CELF2: variants seen among roughly 807,000 people sequenced by gnomAD.
The protein encoded by CELF2 is CUG triplet repeat RNA-binding protein 2.
In CELF2, 8 loss-of-function variants were observed where a neutral mutation model predicts 62.6. The observed-to-expected ratio is 0.13, with a 90% CI of 0.07 to 0.23. CELF2 has a LOEUF of 0.23. Among genes scored for constraint, CELF2 ranks in the 10% least tolerant of loss-of-function variants. The pLI, the probability that CELF2 is intolerant of heterozygous loss-of-function variation, is 1.00. For synonymous variants in CELF2, 258 were observed against 250.0 expected (o/e 1.03, Z -0.30); for missense variants, 333 against 671.0 (o/e 0.50, Z 5.56).
chr10:10,931,239 C>T lies in CELF2; in HGVS notation c.89+11240C>T, dbSNP rs923716992. On this transcript the variant is annotated intron_variant, in intron 2 of 13. Coordinates refer to the CELF2 transcript ENST00000636488. This position sits in a 1 kb window ranked among gnomAD's most constrained non-coding sequence, Gnocchi z 6.1. The stretch of plus-strand genomic sequence containing the variant: ...ATATTGTGTTCATTTTTCAAATAAG[C>T]AACATTAGACTCACAAAACACTATA... Among the ~76,000 whole-genome samples, 2 of 152,094 alleles carry T rather than the reference C, an allele frequency of 1.3e-5. No homozygotes were observed. Among genetic ancestry groups the T allele is most frequent in the African/African-American group, 4.8e-5 (2 of 41,408 alleles).
the CELF2 span, among the ~76,000 whole-genome samples, chr10:10,554,643 T>C: frequency 3.9e-5 from 6 of 152,170 alleles, no homozygotes; most frequent in Non-Finnish European, 8.8e-5. Context: ...CCCAGGTGCA[T>C]TACTTCTCCC....
Position 11,057,732 on chromosome 10 carries a change from C to G in CELF2, c.74+39569C>G, listed in dbSNP as rs564236614. On this transcript the variant is annotated intron_variant, in intron 1 of 12. Transcript: ENST00000633077. ...GATGGTGATTGTCAGATTATGACTT[C>G]GGGAATACAGGAGTCACAAAATGTT... Among the ~76,000 whole-genome samples the G allele has an allele frequency of 2.6e-5, 4 of 152,112 alleles. No homozygotes were observed. In the South Asian group the frequency reaches 6.2e-4, roughly 24 times the overall value.
chr10:10,789,347 C>G, the CELF2 span, among the ~76,000 whole-genome samples: 1 of 152,220 alleles, frequency 6.6e-6, no homozygotes, highest in South Asian at 2.1e-4. Flanking sequence ...TTCATAATAT[C>G]CAGTTTTATA....
intron 1 of CELF2, among the ~76,000 whole-genome samples, chr10:11,115,142 G>A (rs775426409): frequency 4.6e-5 from 7 of 152,216 alleles, no homozygotes; most frequent in African/African-American, 7.2e-5. Flanking sequence ...CAGTAGGCAC[G>A]TGAATATCTG....
Position 11,170,151 on chromosome 10 carries a change from T to C in CELF2, c.271+4469T>C, listed in dbSNP as rs116416432. On this transcript the variant is annotated intron_variant, in intron 2 of 12. Transcript: ENST00000633077. ...TGCAGTTTGTTTGTTCAGCAAATGATAAGTTGTACAGCAAAGGAGATTGTC... is the reference window on the plus strand; with the variant it reads ...TGCAGTTTGTTTGTTCAGCAAATGACAAGTTGTACAGCAAAGGAGATTGTC... 7.3e-3 allele frequency among the ~76,000 whole-genome samples: 1,115 copies of C among 152,274 alleles called. 14 individuals carry two copies. The highest frequency in any genetic ancestry group is 0.025 in the African/African-American group (1,055 of 41,542).
chr10:10,684,584 A>G, the CELF2 span, among the ~76,000 whole-genome samples: 6 of 152,068 alleles, frequency 3.9e-5, no homozygotes, highest in African/African-American at 9.7e-5. Flanking sequence ...TCTCTACAAA[A>G]CATAAACAAA....
At chr10:11,249,391 TTGA>T (rs1325379931) in intron 4 of CELF2, among the ~76,000 whole-genome samples, 190 bp downstream of exon 4, 1 of 152,210 alleles carries the variant, frequency 6.6e-6, no homozygotes, top group Non-Finnish European at 1.5e-5. Context: ...TCCTGTCCTG[TTGA>T]TGATCTCTGG....
rs2066114354 is a variant in CELF2, at chr10:10,931,981, T to C, written c.89+11982T>C. Among the ~76,000 whole-genome samples, 1 of 152,088 alleles carries C rather than the reference T, an allele frequency of 6.6e-6. No individual in the cohort carries two copies. Among genetic ancestry groups the C allele is most frequent in the African/African-American group, 2.4e-5 (1 of 41,396 alleles). ...CACATCTCATGAGTCTTATTCACTA[T>C]CATGAGAACAGCATGGGAAAGACCT... On this transcript the variant is annotated intron_variant, in intron 2 of 13. Transcript: ENST00000636488. This position sits in a 1 kb window ranked among gnomAD's most constrained non-coding sequence, Gnocchi z 6.1.
intron 1 of CELF2, among the ~76,000 whole-genome samples, chr10:11,121,157 A>C (rs1017793809): frequency 6.6e-6 from 1 of 152,180 alleles, no homozygotes; most frequent in African/African-American, 2.4e-5. Context: ...CAAATTCAGA[A>C]ATAATAAAAT....
In CELF2 at chr10:11,165,098, T is replaced by A. The variant is rs2066664528; in HGVS notation, c.75-388T>A. ...AATCCAGCAGACATCTAGCTCTGCC[T>A]TTCTTTCCCAGCCACAGCCAGGGTA... On this transcript the variant is annotated intron_variant, in intron 1 of 12. Transcript: ENST00000633077. This position sits in a 1 kb window ranked among gnomAD's most constrained non-coding sequence, Gnocchi z 7.4. The A allele has an allele frequency of 2.0e-6, 2 of 1,000,270 alleles. No individual in the cohort carries two copies. The highest frequency in any genetic ancestry group is 2.4e-6 in the Non-Finnish European group (2 of 838,892). The allele number at this position is 1,000,270 out of a possible 1,614,324, so 62.0% of individuals were successfully genotyped here.
intron 1 of CELF2, among the ~76,000 whole-genome samples, chr10:11,059,131 A>C (rs2066096068): frequency 6.6e-6 from 1 of 152,212 alleles, no homozygotes; most frequent in Non-Finnish European, 1.5e-5. Flanking sequence ...ACAAACTGCT[A>C]CTTCAGCGCC....
At chr10:11,017,528 G>A (rs1296121520), upstream of CELF2, among the ~76,000 whole-genome samples, 2 of 152,204 alleles carry the variant, frequency 1.3e-5, no homozygotes, top group Non-Finnish European at 2.9e-5. This position sits in a 1 kb window ranked among gnomAD's most constrained non-coding sequence, Gnocchi z 5.5. Context: ...ACACCGAGGA[G>A]CATCGAAGCG....
the CELF2 span, among the ~76,000 whole-genome samples, chr10:10,721,531 C>T: frequency 6.6e-6 from 1 of 152,232 alleles, no homozygotes; most frequent in African/African-American, 2.4e-5. Flanking sequence ...TTCCTCTCCT[C>T]ATCAACACCT....
the CELF2 span, among the ~76,000 whole-genome samples, chr10:10,716,438 G>T: frequency 4.6e-5 from 7 of 152,170 alleles, no homozygotes; most frequent in East Asian, 1.4e-3. Context: ...CTACTGGGGA[G>T]GCTGAGGTGG....
chr10:10,582,654 G>A, the CELF2 span, among the ~76,000 whole-genome samples: 1 of 152,044 alleles, frequency 6.6e-6, no homozygotes, highest in African/African-American at 2.4e-5. Flanking sequence ...AATAAGCATT[G>A]TTGAGTACTC....
rs757471073 is a variant in CELF2, at chr10:11,255,274, T to C, written c.404-2464T>C. Among the ~76,000 whole-genome samples the C allele has an allele frequency of 8.5e-5, 13 of 152,176 alleles. No homozygotes were observed. The highest frequency in any genetic ancestry group is 1.9e-4 in the Non-Finnish European group (13 of 68,018). The stretch of plus-strand genomic sequence containing the variant: ...CAGGAATTGGAGCCCGGGGTGCCTG[T>C]TGCCCATGTCTCCTCCGAGTCTGAA... On this transcript the variant is annotated intron_variant, in intron 4 of 12. Coordinates refer to ENST00000633077, the MANE Select transcript of CELF2 (RefSeq NM_001326342.2). This position sits in a 1 kb window ranked among gnomAD's most constrained non-coding sequence, Gnocchi z 5.5.
intron 1 of CELF2, among the ~76,000 whole-genome samples, chr10:11,009,834 G>A (rs537939975): frequency 1.3e-5 from 2 of 152,332 alleles, no homozygotes; most frequent in Non-Finnish European, 1.5e-5. Flanking sequence ...AGAGCTTGAG[G>A]TTTCAAGTTA....
intron 1 of CELF2, among the ~76,000 whole-genome samples, chr10:10,839,739 A>C (rs548211356): frequency 6.6e-6 from 1 of 152,300 alleles, no homozygotes; most frequent in Non-Finnish European, 1.5e-5. Context: ...AAATTTGCAC[A>C]AATTAAGTTT....
chr10:10,554,153 A>G, the CELF2 span, among the ~76,000 whole-genome samples: 1 of 152,106 alleles, frequency 6.6e-6, no homozygotes, highest in African/African-American at 2.4e-5. Flanking sequence ...AAGGGGGGAA[A>G]GTCAACAGGA....
Sources: allele counts gnomAD v4.1 joint callset (sites outside exome capture counted in the v4.1 genomes callset), GRCh38; gene constraint gnomAD v4.1.1; non-coding constraint Gnocchi (gnomAD v3.1); transcripts MANE v1.5; gene names NCBI Gene and HGNC (gene_info 2026-07-23, HGNC 2026-07-21).